PRKCQ: variants seen among roughly 807,000 people sequenced by gnomAD.
PRKCQ encodes protein kinase C theta type.
PRKCQ carries 41 observed loss-of-function variants against 91.2 expected under a neutral mutation model. The observed-to-expected ratio is 0.45, with a 90% confidence interval of 0.35 to 0.58. The LOEUF is 0.58. Among genes scored for constraint, PRKCQ ranks in the 20% least tolerant of loss-of-function variants. The probability of loss-of-function intolerance (pLI) is 0.00; values close to 1 mark genes in which losing one functional copy is unlikely to be tolerated. For synonymous variants in PRKCQ, 307 were observed against 316.9 expected (o/e 0.97, Z 0.33); for missense variants, 673 against 896.5 (o/e 0.75, Z 3.18).
the PRKCQ span, among the ~76,000 whole-genome samples, chr10:6,407,902 G>GAT: frequency 6.6e-6 from 1 of 151,968 alleles, no homozygotes; most frequent in Non-Finnish European, 1.5e-5. The surrounding 1 kb of genome is among the most constrained non-coding windows in gnomAD (Gnocchi z 4.0). Flanking sequence ...AGTATAAAAT[G>GAT]ATATATCTAT....
chr10:6,439,131 C>G (rs921463547), intron 16 of PRKCQ, among the ~76,000 whole-genome samples: 6 of 152,226 alleles, frequency 3.9e-5, no homozygotes, highest in Admixed American at 1.3e-4. Flanking sequence ...TGATGGCTCT[C>G]AGGTGTTCCT....
chr10:6,492,926 G>A (rs1435269392), intron 7 of PRKCQ, among the ~76,000 whole-genome samples: 2 of 152,184 alleles, frequency 1.3e-5, no homozygotes, highest in South Asian at 2.1e-4. Flanking sequence ...ACTGGTCAGC[G>A]TTGGTTCTTT....
At chr10:6,507,352 T>G (rs939254484) in intron 4 of PRKCQ, 84 bp downstream of exon 4, 1 of 1,318,168 alleles carries the variant, frequency 7.6e-7, no homozygotes, top group South Asian at 1.2e-5. Context: ...TCTTCTACAA[T>G]AATTGCAAAG....
intron 15 of PRKCQ, among the ~76,000 whole-genome samples, chr10:6,446,830 A>C (rs1834335302): frequency 6.6e-6 from 1 of 152,200 alleles, no homozygotes; most frequent in Non-Finnish European, 1.5e-5. Context: ...AAAATGCACA[A>C]GGAAACCCGG....
chr10:6,462,202 G>A (rs755146254), intron 14 of PRKCQ, 101 bp downstream of exon 14: 30 of 1,078,558 alleles, frequency 2.8e-5, no homozygotes, highest in Non-Finnish European at 3.9e-5. Context: ...TTACTCCCAG[G>A]AAATCACATG....
In PRKCQ at chr10:6,507,502, T is replaced by C; in HGVS notation, c.319-6A>G. On this transcript the variant is annotated splice_region_variant and splice_polypyrimidine_tract_variant and intron_variant, in intron 3 of 17. Transcript: ENST00000263125. Reference sequence around the variant, plus strand: ...CCTTGAGGTTTCAGCTCTAACTGGTTGGGAGAAGGAGAGAAACATCAGTCA... The same window carrying C: ...CCTTGAGGTTTCAGCTCTAACTGGTCGGGAGAAGGAGAGAAACATCAGTCA... 2 of 1,612,770 alleles carry C rather than the reference T, an allele frequency of 1.2e-6. No individual in the cohort carries two copies. The highest frequency in any genetic ancestry group is 1.7e-6 in the Non-Finnish European group (2 of 1,178,868).
intron 1 of PRKCQ, among the ~76,000 whole-genome samples, chr10:6,552,133 C>T (rs1420892503): frequency 6.6e-6 from 1 of 152,042 alleles, no homozygotes; most frequent in African/African-American, 2.4e-5. Flanking sequence ...GAGGAAATGT[C>T]TACTCAAGTC....
intron 8 of PRKCQ, among the ~76,000 whole-genome samples, chr10:6,488,649 G>A (rs1837070704): frequency 6.6e-6 from 1 of 152,170 alleles, no homozygotes; most frequent in Non-Finnish European, 1.5e-5. Flanking sequence ...CTCCTAAAGT[G>A]CTGAGATTAC....
Position 6,430,904 on chromosome 10 carries a change from A to G in PRKCQ, c.1871T>C (p.Val624Ala). The G allele has an allele frequency of 1.2e-6, 2 of 1,614,012 alleles. No homozygotes were observed. Among genetic ancestry groups the G allele is most frequent in the Non-Finnish European group, 8.5e-7 (1 of 1,179,990 alleles). ...FVREPEKRLG[V>A]RGDIRQHPLF... ...AGGGTGCTGGCGGATGTCTCCCCTC[A>G]CGCCCAGCCTCTTCTCAGGTTCTCG... The change falls in exon 17 of 18, where the codon GTG becomes GCG. Residue 624 changes from valine (V) to alanine (A), a missense_variant. Transcript: ENST00000263125. The surrounding 1 kb of genome is among the most constrained non-coding windows in gnomAD (Gnocchi z 4.7).
the PRKCQ span, among the ~76,000 whole-genome samples, chr10:6,397,917 C>G: frequency 6.6e-6 from 1 of 151,990 alleles, no homozygotes; most frequent in African/African-American, 2.4e-5. Flanking sequence ...AAGCACGAGA[C>G]TCCGTCTAAA....
chr10:6,426,399 G>A (rs1414325435), downstream of PRKCQ, among the ~76,000 whole-genome samples: 1 of 152,130 alleles, frequency 6.6e-6, no homozygotes, highest in Non-Finnish European at 1.5e-5. Context: ...GGGCCTTAAA[G>A]GACCCTCTCC....
intron 1 of PRKCQ, among the ~76,000 whole-genome samples, chr10:6,572,932 C>T (rs1841096644): frequency 6.6e-6 from 1 of 152,044 alleles, no homozygotes; most frequent in Non-Finnish European, 1.5e-5. Context: ...ACCATTCTGA[C>T]TTGCAGGAGA....
chr10:6,561,083 A>T (rs1473919593), intron 1 of PRKCQ, among the ~76,000 whole-genome samples: 1 of 151,978 alleles, frequency 6.6e-6, no homozygotes, highest in South Asian at 2.1e-4. Context: ...TGACTAAAAA[A>T]TTCTTCCTTG....
intron 1 of PRKCQ, among the ~76,000 whole-genome samples, chr10:6,566,885 C>T (rs534159049): frequency 6.6e-6 from 1 of 152,148 alleles, no homozygotes; most frequent in Non-Finnish European, 1.5e-5. Flanking sequence ...AATCGGAGTG[C>T]TTAGGGCTCT....
intron 1 of PRKCQ, among the ~76,000 whole-genome samples, chr10:6,520,010 G>T (rs984822955): frequency 6.6e-6 from 1 of 152,144 alleles, no homozygotes; most frequent in South Asian, 2.1e-4. Context: ...CATCCTGGTG[G>T]TCTATTGTGT....
chr10:6,525,484 C>T (rs1839166557), intron 1 of PRKCQ, among the ~76,000 whole-genome samples: 1 of 152,178 alleles, frequency 6.6e-6, no homozygotes, highest in Admixed American at 6.5e-5. Context: ...TTTGCACCAA[C>T]CTAATAATCC....
At chr10:6,567,896 T>C (rs1193535220) in intron 1 of PRKCQ, among the ~76,000 whole-genome samples, 2 of 152,198 alleles carry the variant, frequency 1.3e-5, no homozygotes, top group African/African-American at 4.8e-5. Flanking sequence ...TTCTTGAATT[T>C]AGTCTTTTAC....
chr10:6,525,054 A>AT (rs1204803467), intron 1 of PRKCQ, among the ~76,000 whole-genome samples: 1 of 152,194 alleles, frequency 6.6e-6, no homozygotes, highest in African/African-American at 2.4e-5. Context: ...TCTGTCATGC[A>AT]TAACAGGATT....
At chr10:6,440,229 C>T (rs182589781) in intron 16 of PRKCQ, among the ~76,000 whole-genome samples, 77 of 152,274 alleles carry the variant, frequency 5.1e-4, no homozygotes, top group African/African-American at 1.6e-3. Context: ...TTAGGTATGT[C>T]CTTACAGCAG....
Sources: allele counts gnomAD v4.1 joint callset (sites outside exome capture counted in the v4.1 genomes callset), GRCh38; gene constraint gnomAD v4.1.1; non-coding constraint Gnocchi (gnomAD v3.1); transcripts MANE v1.5; gene names NCBI Gene and HGNC (gene_info 2026-07-23, HGNC 2026-07-21).